The following STPG2 variants were observed in gnomAD, a reference collection of about 807,000 sequenced individuals.
STPG2 encodes sperm-tail PG-rich repeat-containing protein 2.
A neutral mutation model predicts 54.2 loss-of-function variants in STPG2; 56 were observed. The ratio of observed to expected loss-of-function variants is 1.03; its 90% CI spans 0.83 to 1.29. STPG2 has a LOEUF of 1.29. Among genes scored for constraint, STPG2 ranks in the 50% most tolerant of loss-of-function variants. The probability of loss-of-function intolerance (pLI) is 0.00; values close to 1 mark genes in which losing one functional copy is unlikely to be tolerated. For synonymous variants in STPG2, 200 were observed against 181.8 expected (o/e 1.10, Z -0.81); for missense variants, 596 against 544.9 (o/e 1.09, Z -0.93).
intron 7 of STPG2, among the ~76,000 whole-genome samples, chr4:97,944,623 G>A (rs906822518): frequency 1.3e-5 from 2 of 152,098 alleles, no homozygotes; most frequent in African/African-American, 4.8e-5. Context: ...AACATCCTTT[G>A]TATATGCAAA....
intron 9 of STPG2, among the ~76,000 whole-genome samples, chr4:97,830,963 A>G (rs541173036): frequency 6.6e-6 from 1 of 152,284 alleles, no homozygotes; most frequent in East Asian, 1.9e-4. Flanking sequence ...ACACAGATCA[A>G]TGACACAGAA....
At chr4:97,965,013 G>A (rs1734039332) in intron 7 of STPG2, among the ~76,000 whole-genome samples, 1 of 152,190 alleles carries the variant, frequency 6.6e-6, no homozygotes, top group Non-Finnish European at 1.5e-5. Flanking sequence ...AGCCCACAGA[G>A]GGCAAGCCGA....
chr4:97,664,831 G>A (rs1198573156), intron 10 of STPG2, among the ~76,000 whole-genome samples: 2 of 152,026 alleles, frequency 1.3e-5, no homozygotes, highest in Admixed American at 6.6e-5. Context: ...CCACTCGGCT[G>A]GGCAGGCTGT....
At chr4:97,454,823 A>C (rs1185185774) in intron 4 of STPG2, among the ~76,000 whole-genome samples, 1 of 152,162 alleles carries the variant, frequency 6.6e-6, no homozygotes, top group Non-Finnish European at 1.5e-5. Flanking sequence ...AAAGCCAGTA[A>C]AGTCTTTCAA....
At chr4:97,524,436 C>T (rs1455418660) in intron 4 of STPG2, among the ~76,000 whole-genome samples, 13 of 151,816 alleles carry the variant, frequency 8.6e-5, no homozygotes, top group Non-Finnish European at 4.4e-5. Flanking sequence ...GAGCAGGATT[C>T]ATTTGCTGTT....
chr4:97,959,782 G>A (rs1276959250), intron 7 of STPG2, among the ~76,000 whole-genome samples: 1 of 151,972 alleles, frequency 6.6e-6, no homozygotes, highest in Non-Finnish European at 1.5e-5. Context: ...AGAAGAATTG[G>A]TACCAATCCT....
intron 10 of STPG2, among the ~76,000 whole-genome samples, chr4:97,703,517 C>G (rs1272776893): frequency 7.4e-6 from 1 of 135,372 alleles, no homozygotes; most frequent in Non-Finnish European, 1.5e-5. Context: ...AGTATATAGA[C>G]TATATACTAT....
At chr4:97,829,932 CA>C (rs1473900614) in intron 9 of STPG2, among the ~76,000 whole-genome samples, 2 of 152,080 alleles carry the variant, frequency 1.3e-5, no homozygotes, top group African/African-American at 4.8e-5. Context: ...AGAATAGAAC[CA>C]AGTTGGAAAA....
At chr4:97,802,538 T>G (rs912848574) in intron 9 of STPG2, among the ~76,000 whole-genome samples, 3 of 152,154 alleles carry the variant, frequency 2.0e-5, no homozygotes, top group African/African-American at 7.2e-5. Flanking sequence ...TGGTGGGATC[T>G]GGGCTCACTC....
chr4:98,044,569 C>T (rs1480966813), intron 5 of STPG2, among the ~76,000 whole-genome samples: 2 of 152,156 alleles, frequency 1.3e-5, no homozygotes, highest in South Asian at 2.1e-4. Context: ...CAGGTCAGTT[C>T]ATCTTCTGCA....
At chr4:97,944,978 A>C (rs1733146598) in intron 7 of STPG2, among the ~76,000 whole-genome samples, 1 of 152,198 alleles carries the variant, frequency 6.6e-6, no homozygotes, top group Non-Finnish European at 1.5e-5. Flanking sequence ...AAAGCCTTTG[A>C]ATATAGAACA....
intron 9 of STPG2, among the ~76,000 whole-genome samples, chr4:97,738,837 G>A (rs936895355): frequency 2.6e-5 from 4 of 152,118 alleles, no homozygotes; most frequent in Admixed American, 1.3e-4. Flanking sequence ...CCCAGGAATT[G>A]AACTCAGCTC....
rs1268500156 is a variant in STPG2 at position 97,747,967 on chromosome 4, ATCT to A, written c.1205-35156_1205-35154del. 4.6e-5 allele frequency among the ~76,000 whole-genome samples: 7 copies of A among 151,610 alleles called. No homozygotes were observed. In the South Asian group the frequency reaches 1.2e-3, roughly 27 times the overall value. On this transcript the variant is annotated intron_variant, in intron 9 of 10. Coordinates refer to ENST00000295268, the MANE Select transcript of STPG2 (RefSeq NM_174952.3). ...CATGGCTAGTAAGACATAAGGGGAA[ATCT>A]TCTAGGATGATTTGAGCAAGTCTTA...
At chr4:97,972,685 A>T (rs783958) in intron 6 of STPG2, among the ~76,000 whole-genome samples, 63,427 of 151,966 alleles carry the variant, frequency 0.42, 13,825 homozygotes, top group Admixed American at 0.53. Flanking sequence ...AATTCCCACA[A>T]TTCCATGGGA....
intron 10 of STPG2, among the ~76,000 whole-genome samples, chr4:97,622,383 G>A (rs965162834): frequency 1.3e-5 from 2 of 152,096 alleles, no homozygotes; most frequent in African/African-American, 4.8e-5. Context: ...AAACCCCATA[G>A]TCTCTGCCCA....
intron 8 of STPG2, among the ~76,000 whole-genome samples, chr4:97,938,027 C>T (rs987618131): frequency 2.0e-5 from 3 of 152,140 alleles, no homozygotes; most frequent in Non-Finnish European, 2.9e-5. Context: ...ATGGCCACCC[C>T]TTCCCCTAGG....
chr4:97,891,056 G>C (rs904352616), intron 8 of STPG2, among the ~76,000 whole-genome samples: 1 of 151,846 alleles, frequency 6.6e-6, no homozygotes, highest in Non-Finnish European at 1.5e-5. Context: ...AGAAATAATT[G>C]TCTCTAAAAA....
intron 9 of STPG2, among the ~76,000 whole-genome samples, chr4:97,816,661 A>G (rs1206986852): frequency 6.6e-6 from 1 of 152,140 alleles, no homozygotes; most frequent in Non-Finnish European, 1.5e-5. Context: ...GGGCCTAAAT[A>G]GAACAAAAAG....
intron 7 of STPG2, among the ~76,000 whole-genome samples, chr4:97,948,995 G>T (rs923896179): frequency 1.3e-5 from 2 of 152,162 alleles, no homozygotes; most frequent in Admixed American, 6.6e-5. Context: ...TCTGTATACT[G>T]CTGTCAATGG....
Sources: gnomAD v4.1 joint callset for allele counts (sites outside exome capture counted in the v4.1 genomes callset) on GRCh38, gnomAD v4.1.1 for gene constraint, MANE v1.5 for transcripts, NCBI Gene and HGNC (gene_info 2026-07-23, HGNC 2026-07-21) for gene names.